Variants in RNF138 observed in about 807,000 individuals in gnomAD.
RNF138 encodes the protein E3 ubiquitin-protein ligase RNF138.
RNF138 carries 12 observed loss-of-function variants against 31.0 expected under a neutral mutation model. The ratio of observed to expected loss-of-function variants is 0.39; its 90% confidence interval spans 0.25 to 0.63. The LOEUF (loss-of-function observed/expected upper bound fraction) is 0.63. Among genes scored for constraint, RNF138 ranks in the 20% least tolerant of loss-of-function variants. The pLI is 0.52. For synonymous variants in RNF138, 105 were observed against 99.5 expected, an observed-to-expected ratio of 1.06 and a Z score of -0.33; for missense variants, 192 against 300.1, an observed-to-expected ratio of 0.64 and a Z score of 2.66.
chr18:32,116,515 CTTT>C (rs573273752), intron 4 of RNF138, among the ~76,000 whole-genome samples: 1 of 127,812 alleles, frequency 7.8e-6, no homozygotes, highest in East Asian at 2.3e-4. Context: ...GAAGGAAAAG[CTTT>C]TTTTTTTTTT....
rs758564342 is a variant in RNF138 at position 32,111,944 on chromosome 18, T to C, written c.276+25T>C. ...GGTAGAGTAAATGTGACATCTCTCT[T>C]CTTTGGAAGCCAAGTTTCTACTCTG... On this transcript the variant is annotated intron_variant, in intron 3 of 7. Coordinates refer to ENST00000261593, the MANE Select transcript of RNF138 (RefSeq NM_016271.5). The C allele has an allele frequency of 5.8e-6, 9 of 1,549,026 alleles. No individual in the cohort carries two copies. The East Asian group carries it at 1.8e-4, about 31-fold the overall frequency.
chr18:32,116,033 C>T (rs1568235998), intron 4 of RNF138, among the ~76,000 whole-genome samples: 1 of 152,158 alleles, frequency 6.6e-6, no homozygotes, highest in African/African-American at 2.4e-5. Flanking sequence ...TCAGTTGTCT[C>T]ATGTGTTTAA....
intron 4 of RNF138, among the ~76,000 whole-genome samples, chr18:32,115,271 A>G (rs1598857921): frequency 6.6e-6 from 1 of 152,172 alleles, no homozygotes; most frequent in Non-Finnish European, 1.5e-5. Flanking sequence ...CCACTTGGTC[A>G]TAGACACTTG....
At chr18:32,118,556 C>T (rs941772543) in intron 4 of RNF138, among the ~76,000 whole-genome samples, 17 of 150,520 alleles carry the variant, frequency 1.1e-4, no homozygotes, top group African/African-American at 3.7e-4. Flanking sequence ...TAATGCCGGG[C>T]GCAGTGGCTC....
chr18:32,129,815 A>AT lies in RNF138; in HGVS notation c.*630dup, dbSNP rs2040444301. ...GTTGTAAAGATATTTTCTTTTTGTT[A>AT]TTAGAAGGAAATACAAAGAGAAAAA... On this transcript the variant is annotated 3_prime_UTR_variant, in exon 8 of 8. Transcript: ENST00000261593. 4 of 152,488 alleles carry AT rather than the reference A, an allele frequency of 2.6e-5. No homozygotes were observed. The highest frequency in any genetic ancestry group is 2.6e-4 in the Admixed American group (4 of 15,270). The allele number at this position is 152,488 out of a possible 1,614,324, so 9.4% of individuals were successfully genotyped here. A position where few individuals can be genotyped will look rare whatever the true frequency, so the allele number is the denominator to read the frequency against.
In RNF138 at chr18:32,092,868, C is replaced by T; in HGVS notation, c.92C>T (p.Thr31Ile). 6.3e-7 allele frequency: 1 copy of T among 1,582,552 alleles called. No homozygotes were observed. Among genetic ancestry groups the T allele is most frequent in the Non-Finnish European group, 8.6e-7 (1 of 1,167,258 alleles). Residue 31 changes from threonine to isoleucine, a missense_variant, in exon 2 of 8, where the codon ACC becomes ATC. Physicochemically the swap from Thr to Ile is moderately conservative, Grantham distance 89. This residue lies in a region of RNF138 where 52 missense variants were observed against 48.4 expected (regional missense o/e 1.07). Coordinates refer to ENST00000261593, the MANE Select transcript of RNF138 (RefSeq NM_016271.5). ...CQEVLKTPVRTTACQHVFCRK... is the reference protein window; with the variant it reads ...CQEVLKTPVRITACQHVFCRK... ...GAGGTGCTCAAAACGCCCGTGCGGA[C>T]CACGGCCTGTCAGCACGTGTGAGTA... is the stretch of plus-strand genomic sequence containing the variant.
At chr18:32,092,919 G>T (rs769582697) in intron 2 of RNF138, 33 bp downstream of exon 2, 1 of 1,338,678 alleles carries the variant, frequency 7.5e-7, no homozygotes, top group Non-Finnish European at 1.0e-6. Flanking sequence ...TCGCGGAGCC[G>T]GGTTGTCGCT....
intron 4 of RNF138, among the ~76,000 whole-genome samples, chr18:32,118,046 C>T (rs1198307492): frequency 1.3e-5 from 2 of 151,932 alleles, no homozygotes; most frequent in Non-Finnish European, 2.9e-5. Context: ...TGTCAGTAGG[C>T]TCATACAGTT....
chr18:32,124,629 ATT>A, intron 5 of RNF138, 103 bp from the exon 6 acceptor site: 1 of 653,808 alleles, frequency 1.5e-6, no homozygotes, highest in Non-Finnish European at 2.7e-6. Flanking sequence ...TAGTCTAATA[ATT>A]ATAACTTTTT....
rs2039723962 is a variant in RNF138 at position 32,092,826 on chromosome 18, A to G, written c.50A>G (p.Tyr17Cys). 1 of 1,600,286 alleles carries G rather than the reference A, an allele frequency of 6.2e-7. No individual in the cohort carries two copies. Among genetic ancestry groups the G allele is most frequent in the Non-Finnish European group, 8.5e-7 (1 of 1,175,692 alleles). The change falls in exon 2 of 8, where the codon TAC (tyrosine) becomes TGC (cysteine). Residue 17 changes from tyrosine (Y) to cysteine (C), a missense_variant. Tyr to Cys is a radical substitution (Grantham distance 194). Around this residue, in one of 2 missense-constraint regions of RNF138, gnomAD observed 52 missense variants for 48.4 expected, o/e 1.07. Transcript: ENST00000261593. ...AATSYTEDDF[Y>C]CPVCQEVLKT... is the part of the protein sequence containing the mutation. ...ACGTCCTACACCGAAGATGATTTCTACTGCCCCGTCTGTCAGGAGGTGCTC... is the reference window on the plus strand; with the variant it reads ...ACGTCCTACACCGAAGATGATTTCTGCTGCCCCGTCTGTCAGGAGGTGCTC...
At position 32,129,216 on chromosome 18, in the gene RNF138, C is replaced by T. The variant is rs898013143; in HGVS notation, c.*29C>T. ...CTGTAGACATCTCTGCATCTTTGTA[C>T]CTGCAAGTGCCATCTTTAAGGGGGA... is the stretch of plus-strand genomic sequence containing the variant. On this transcript the variant is annotated 3_prime_UTR_variant, in exon 8 of 8. Transcript: ENST00000261593. 8.2e-6 allele frequency: 12 copies of T among 1,468,360 alleles called. No individual in the cohort carries two copies. The highest frequency in any genetic ancestry group is 1.7e-5 in the Admixed American group (1 of 59,742). The allele number at this position is 1,468,360 out of a possible 1,614,324, so 91.0% of individuals were successfully genotyped here.
chr18:32,125,746 A>G (rs10048285), intron 6 of RNF138, among the ~76,000 whole-genome samples: 65,008 of 151,874 alleles, frequency 0.43, 15,135 homozygotes, highest in East Asian at 0.64. Context: ...AGCCTGGGCA[A>G]CATAGTGAGA....
In RNF138 at chr18:32,130,867, A is replaced by C; in HGVS notation, c.*1680A>C. On this transcript the variant is annotated 3_prime_UTR_variant, in exon 8 of 8. Coordinates refer to ENST00000261593, the MANE Select transcript of RNF138 (RefSeq NM_016271.5). The stretch of plus-strand genomic sequence containing the variant: ...GTGGTGTTTACTATGTGTGTGCTTG[A>C]GCATTTTCTTTCAGTTACATGGGTG... 1 of 152,228 alleles carries C rather than the reference A, an allele frequency of 6.6e-6. No homozygotes were observed. The highest frequency in any genetic ancestry group is 2.1e-4 in the South Asian group (1 of 4,828). The allele number at this position is 152,228 out of a possible 1,614,324, so 9.4% of individuals were successfully genotyped here. A position where few individuals can be genotyped will look rare whatever the true frequency, so the allele number is the denominator to read the frequency against.
chr18:32,092,824 C>G lies in RNF138; in HGVS notation c.48C>G (p.Phe16Leu), dbSNP rs2039723905. ...CCACGTCCTACACCGAAGATGATTT[C>G]TACTGCCCCGTCTGTCAGGAGGTGC... The part of the protein sequence containing the change: ...SAATSYTEDD[F>L]YCPVCQEVLK... The change falls in exon 2 of 8, where the codon TTC (phenylalanine) becomes TTG (leucine). Residue 16 changes from phenylalanine to leucine, a missense_variant. Transcript: ENST00000261593. The G allele has an allele frequency of 6.2e-7, 1 of 1,600,366 alleles. No homozygotes were observed. Among genetic ancestry groups the G allele is most frequent in the Admixed American group, 1.7e-5 (1 of 58,410 alleles).
intron 4 of RNF138, among the ~76,000 whole-genome samples, chr18:32,115,399 C>T (rs1386286390): frequency 6.6e-6 from 1 of 152,068 alleles, no homozygotes; most frequent in Non-Finnish European, 1.5e-5. Flanking sequence ...TGGTAGTTAT[C>T]CTCTAATCTG....
intron 2 of RNF138, among the ~76,000 whole-genome samples, chr18:32,098,240 A>G (rs2039850598): frequency 6.6e-6 from 1 of 152,054 alleles, no homozygotes; most frequent in Non-Finnish European, 1.5e-5. Context: ...TCCTGACCTC[A>G]AGTGATCCTC....
rs76852201 is a variant in RNF138, at chr18:32,098,852, CAAAAAAAAA to C, written c.110+5975_110+5983del. On this transcript the variant is annotated intron_variant, in intron 2 of 7. Coordinates refer to ENST00000261593, the MANE Select transcript of RNF138 (RefSeq NM_016271.5). ...CGGGCGACAGAGTGAGACTCCGTTT[CAAAAAAAAA>C]AAAAAAAAGATTTACTTAATTTTAA... Among the ~76,000 whole-genome samples the C allele has an allele frequency of 3.2e-3, 188 of 58,300 alleles. 1 individual carries two copies. Among genetic ancestry groups the C allele is most frequent in the African/African-American group, 0.011 (175 of 16,086 alleles). The allele number at this position is 58,300 out of a possible 152,430, so 38.2% of individuals were successfully genotyped here.
At chr18:32,110,202 A>G (rs765342723) in intron 2 of RNF138, among the ~76,000 whole-genome samples, 14 of 152,268 alleles carry the variant, frequency 9.2e-5, no homozygotes, top group Non-Finnish European at 1.9e-4. Flanking sequence ...TATGTTGCCC[A>G]GGCTGGTCTT....
At chr18:32,125,778 GAA>G (rs1047315797) in intron 6 of RNF138, among the ~76,000 whole-genome samples, 2 of 151,678 alleles carry the variant, frequency 1.3e-5, no homozygotes, top group Admixed American at 1.3e-4. Context: ...TAAAAATAAA[GAA>G]AATAAAAAGA....
Sources: gnomAD v4.1 joint callset for allele counts (sites outside exome capture counted in the v4.1 genomes callset) on GRCh38, gnomAD v4.1.1 for gene constraint, gnomAD v4.1.1 regional missense constraint, MANE v1.5 for transcripts, NCBI Gene and HGNC (gene_info 2026-07-23, HGNC 2026-07-21) for gene names.